The following MTCH1 variants were observed in gnomAD, a reference collection of about 807,000 sequenced individuals.
MTCH1 encodes the protein mitochondrial carrier homolog 1.
Under a neutral mutation model 49.3 loss-of-function variants are expected in MTCH1, and 23 were observed. The ratio of observed to expected loss-of-function variants is 0.47; its 90% CI spans 0.34 to 0.66. MTCH1 has a LOEUF of 0.66. MTCH1 is among the 30% of genes least tolerant of loss of function. The pLI, the probability that MTCH1 is intolerant of heterozygous loss-of-function variation, is 0.01. For synonymous variants in MTCH1, 229 were observed against 215.2 expected, an observed-to-expected ratio of 1.06 and a Z score of -0.56; for missense variants, 397 against 532.1, an observed-to-expected ratio of 0.75 and a Z score of 2.50.
In MTCH1 at chr6:36,978,526, C is replaced by A. The variant is rs772595146; in HGVS notation, c.492G>T (p.Val164=). The A allele has an allele frequency of 8.1e-6, 13 of 1,614,038 alleles. No individual in the cohort carries two copies. In the East Asian group the frequency reaches 2.2e-4, roughly 28 times the overall value. The change falls in exon 3 of 12, where the codon GTG becomes GTT. Residue 164 remains valine, a synonymous_variant. Coordinates refer to ENST00000373627, the MANE Select transcript of MTCH1 (RefSeq NM_001271641.2). The part of the protein sequence containing the change: ...PRLMSNALST[V]TRGSMKKVFP... ...TCACCTTCTTCATGCTACCCCGAGT[C>A]ACAGTAGAGAGGGCGTTGGACATCA...
intron 2 of MTCH1, among the ~76,000 whole-genome samples, chr6:36,979,189 A>G (rs1764003397): frequency 6.6e-6 from 1 of 152,090 alleles, no homozygotes; most frequent in South Asian, 2.1e-4. Context: ...ACCACCTGGC[A>G]CCAGATGGCA....
At position 36,977,235 on chromosome 6, in the gene MTCH1, C is replaced by G. The variant is rs1763911766; in HGVS notation, c.665G>C (p.Cys222Ser). 1 of 1,614,076 alleles carries G rather than the reference C, an allele frequency of 6.2e-7. No homozygotes were observed. The highest frequency in any genetic ancestry group is 8.5e-7 in the Non-Finnish European group (1 of 1,179,996). The change falls in exon 6 of 12, where the codon TGC (cysteine) becomes TCC (serine). Residue 222 changes from cysteine to serine, a missense_variant. Around this residue, in one of 2 missense-constraint regions of MTCH1, gnomAD observed 252 missense variants for 388.3 expected, o/e 0.65. Coordinates refer to ENST00000373627, the MANE Select transcript of MTCH1 (RefSeq NM_001271641.2). This position sits in a 1 kb window ranked among gnomAD's most constrained non-coding sequence, Gnocchi z 5.4. ...AHPLHVISMRCMVQFVGREAK... is the reference protein window; with the variant it reads ...AHPLHVISMRSMVQFVGREAK... ...CTCCCGTCCCACAAACTGGACCATGCAGCGCATTGAGATGACTGAGGAAAA... is the reference window on the plus strand; with the variant it reads ...CTCCCGTCCCACAAACTGGACCATGGAGCGCATTGAGATGACTGAGGAAAA...
intron 11 of MTCH1, chr6:36,969,247 T>A (rs1304411995): frequency 2.0e-6 from 2 of 985,316 alleles, no homozygotes; most frequent in Non-Finnish European, 2.4e-6. Context: ...AGAGCCCAAG[T>A]GGTCTAGGAC....
intron 6 of MTCH1, among the ~76,000 whole-genome samples, chr6:36,976,051 AC>A (rs1434323442): frequency 2.6e-5 from 4 of 152,156 alleles, no homozygotes; most frequent in African/African-American, 9.6e-5. Context: ...CCCTTCTCTT[AC>A]CCGGCCCTCA....
intron 8 of MTCH1, among the ~76,000 whole-genome samples, chr6:36,971,880 A>C (rs1281087699): frequency 6.6e-6 from 1 of 151,664 alleles, no homozygotes; most frequent in Non-Finnish European, 1.5e-5. Flanking sequence ...GCTGCTCCCT[A>C]CCTCTTATCT....
chr6:36,981,635 T>G lies in MTCH1; in HGVS notation c.359A>C (p.Asn120Thr). The change falls in exon 2 of 12, where the codon AAT (asparagine) becomes ACT (threonine). Residue 120 changes from asparagine to threonine, a missense_variant. Physicochemically the swap from Asn to Thr is moderately conservative, Grantham distance 65. Transcript: ENST00000373627. ...HEPMPPTLGT[N>T]VLGRKVLYLP... ...ATAGAGGACCTTCCTCCCCAGCACA[T>G]TGGTCCCAAGGGTGGGGGGCATCGG... 1 of 1,613,810 alleles carries G rather than the reference T, an allele frequency of 6.2e-7. No individual in the cohort carries two copies. Among genetic ancestry groups the G allele is most frequent in the Non-Finnish European group, 8.5e-7 (1 of 1,179,884 alleles).
upstream of MTCH1, chr6:36,986,209 CG>C (rs756096013): frequency 1.4e-6 from 2 of 1,406,358 alleles, no homozygotes; most frequent in South Asian, 1.5e-5. Context: ...CGTCACGTGA[CG>C]GGGCCACGCC....
rs1763718560 is a variant in MTCH1 at position 36,972,468 on chromosome 6, AC to A, written c.906+183del. On this transcript the variant is annotated intron_variant, in intron 8 of 11. Coordinates refer to ENST00000373627, the MANE Select transcript of MTCH1 (RefSeq NM_001271641.2). The surrounding 1 kb of genome is among the most constrained non-coding windows in gnomAD (Gnocchi z 4.1). Reference sequence around the variant, plus strand: ...CCATTAATTCCTCCCAGGTCTGGGTACTAATCTGGAATCTCGCCTCTTGAGG... The same window carrying A: ...CCATTAATTCCTCCCAGGTCTGGGTATAATCTGGAATCTCGCCTCTTGAGG... Among the ~76,000 whole-genome samples the A allele has an allele frequency of 6.6e-6, 1 of 152,092 alleles. No homozygotes were observed. The highest frequency in any genetic ancestry group is 2.4e-5 in the African/African-American group (1 of 41,408).
rs1749543114 is a variant in MTCH1 at position 36,972,203 on chromosome 6, C to A, written c.906+449G>T. 6.6e-6 allele frequency among the ~76,000 whole-genome samples: 1 copy of A among 152,114 alleles called. No homozygotes were observed. Among genetic ancestry groups the A allele is most frequent in the Non-Finnish European group, 1.5e-5 (1 of 68,018 alleles). On this transcript the variant is annotated intron_variant, in intron 8 of 11. Transcript: ENST00000373627. This position sits in a 1 kb window ranked among gnomAD's most constrained non-coding sequence, Gnocchi z 4.1. ...ATTTGTGATCTCTGGGTCTCGATTTCTGTATTGGTAAACGAACATTATACC... is the reference window on the plus strand; with the variant it reads ...ATTTGTGATCTCTGGGTCTCGATTTATGTATTGGTAAACGAACATTATACC...
intron 2 of MTCH1, among the ~76,000 whole-genome samples, chr6:36,980,532 G>C (rs75657649): frequency 0.037 from 5,630 of 152,270 alleles, 291 homozygotes; most frequent in African/African-American, 0.11. Context: ...CTCACAAGAT[G>C]ACACATTCCA....
chr6:36,978,195 T>C lies in MTCH1; in HGVS notation c.514-40A>G, dbSNP rs201718820. 5.5e-5 allele frequency: 85 copies of C among 1,536,216 alleles called. 1 individual carries two copies. In the East Asian group the frequency reaches 9.7e-4, roughly 17 times the overall value. Reference sequence around the variant, plus strand: ...GGAAAGAACCAAGTTCAGCTACGCCTCTTCCATGGAACTCTTCGGGGACTT... The same window carrying C: ...GGAAAGAACCAAGTTCAGCTACGCCCCTTCCATGGAACTCTTCGGGGACTT... On this transcript the variant is annotated intron_variant, in intron 3 of 11. Coordinates refer to ENST00000373627, the MANE Select transcript of MTCH1 (RefSeq NM_001271641.2).
In MTCH1 at chr6:36,981,640, C is replaced by T; in HGVS notation, c.354G>A (p.Gly118=). The T allele has an allele frequency of 6.2e-7, 1 of 1,613,784 alleles. No individual in the cohort carries two copies. The highest frequency in any genetic ancestry group is 8.5e-7 in the Non-Finnish European group (1 of 1,179,860). ...GGACCTTCCTCCCCAGCACATTGGTCCCAAGGGTGGGGGGCATCGGCTCAT... is the reference window on the plus strand; with the variant it reads ...GGACCTTCCTCCCCAGCACATTGGTTCCAAGGGTGGGGGGCATCGGCTCAT... ...VGHEPMPPTL[G]TNVLGRKVLY... Residue 118 remains glycine (G), a synonymous_variant, in exon 2 of 12, where the codon GGG becomes GGA. Coordinates refer to ENST00000373627, the MANE Select transcript of MTCH1 (RefSeq NM_001271641.2).
At chr6:36,974,678 C>G (rs560737582) in intron 7 of MTCH1, among the ~76,000 whole-genome samples, 1 of 152,312 alleles carries the variant, frequency 6.6e-6, no homozygotes, top group South Asian at 2.1e-4. Context: ...AAAATCACCT[C>G]CTGCTGAGAA....
chr6:36,970,708 A>G lies in MTCH1; in HGVS notation c.907-14T>C. ...GGCCTGGCTGAACTGAGGAGACAGA[A>G]GGGAAGAGTGGTTTGCCACAGGCAC... On this transcript the variant is annotated splice_polypyrimidine_tract_variant and intron_variant, in intron 8 of 11. Transcript: ENST00000373627. The G allele has an allele frequency of 6.2e-7, 1 of 1,613,688 alleles. No individual in the cohort carries two copies. The highest frequency in any genetic ancestry group is 8.5e-7 in the Non-Finnish European group (1 of 1,179,816).
rs1345948448 is a variant in MTCH1 at position 36,968,346 on chromosome 6, CCATT to C, written c.*553_*556del. On this transcript the variant is annotated 3_prime_UTR_variant, in exon 12 of 12. Coordinates refer to ENST00000373627, the MANE Select transcript of MTCH1 (RefSeq NM_001271641.2). ...ACATTCTGAGTAGTTGCATGATTTC[CCATT>C]CAGAGGCAGGTGCTGCCCTCATATC... 4.2e-6 allele frequency: 1 copy of C among 239,772 alleles called. No homozygotes were observed. Among genetic ancestry groups the C allele is most frequent in the Non-Finnish European group, 8.3e-6 (1 of 120,046 alleles). The allele number at this position is 239,772 out of a possible 1,614,324, so 14.9% of individuals were successfully genotyped here.
Position 36,982,038 on chromosome 6 carries a change from T to C in MTCH1, c.322-366A>G, listed in dbSNP as rs973165464. Among the ~76,000 whole-genome samples the C allele has an allele frequency of 3.3e-5, 5 of 152,184 alleles. No individual in the cohort carries two copies. Among genetic ancestry groups the C allele is most frequent in the African/African-American group, 9.7e-5 (4 of 41,432 alleles). ...AGAACAAATCTCAGTTATTCTCATC[T>C]CCAGATGAAAAACTTCATTCCAACC... On this transcript the variant is annotated intron_variant, in intron 1 of 11. Coordinates refer to ENST00000373627, the MANE Select transcript of MTCH1 (RefSeq NM_001271641.2). This position sits in a 1 kb window ranked among gnomAD's most constrained non-coding sequence, Gnocchi z 4.1.
At chr6:36,969,819 G>A in intron 11 of MTCH1, 9 of 1,502,674 alleles carry the variant, frequency 6.0e-6, no homozygotes, top group Non-Finnish European at 8.0e-6. Context: ...CTTGTCTGAT[G>A]TATAATCTTA....
chr6:36,970,747 C>T (rs1481377281), intron 8 of MTCH1, 53 bp from the exon 9 acceptor site: 3 of 1,574,760 alleles, frequency 1.9e-6, no homozygotes, highest in Non-Finnish European at 2.6e-6. Flanking sequence ...AGGATGCAGA[C>T]TTCAGCAACA....
Position 36,968,741 on chromosome 6 carries a change from C to T in MTCH1, c.*162G>A, listed in dbSNP as rs1213958229. 4 of 1,180,490 alleles carry T rather than the reference C, an allele frequency of 3.4e-6. No individual in the cohort carries two copies. The Admixed American group carries it at 6.0e-5, about 18-fold the overall frequency. 73.1% of individuals were successfully genotyped at this position (1,180,490 alleles called of 1,614,324 possible). The stretch of plus-strand genomic sequence containing the variant: ...TGGGTGCAGCCCCACCCCCGCTCAA[C>T]CCCACATCTGGACAGACACATGGCA... On this transcript the variant is annotated 3_prime_UTR_variant, in exon 12 of 12. Transcript: ENST00000373627.
Sources: allele counts gnomAD v4.1 joint callset (sites outside exome capture counted in the v4.1 genomes callset), GRCh38; gene constraint gnomAD v4.1.1; regional missense constraint gnomAD v4.1.1; non-coding constraint Gnocchi (gnomAD v3.1); transcripts MANE v1.5; gene names NCBI Gene and HGNC (gene_info 2026-07-23, HGNC 2026-07-21).